Variants in PTPRT observed in about 807,000 individuals in gnomAD.
The protein encoded by PTPRT is protein tyrosine phosphatase receptor type T.
A neutral mutation model predicts 176.8 loss-of-function variants in PTPRT; 56 were observed. The observed-to-expected ratio is 0.32, with a 90% CI of 0.26 to 0.40. The LOEUF (loss-of-function observed/expected upper bound fraction) is 0.40, where lower values mean the gene tolerates loss of function less well. Ranked by LOEUF, PTPRT falls within the 10% of genes least tolerant of loss-of-function variation. The pLI, the probability that PTPRT is intolerant of heterozygous loss-of-function variation, is 1.00. For synonymous variants in PTPRT, 783 were observed against 739.0 expected, an observed-to-expected ratio of 1.06 and a Z score of -0.96; for missense variants, 1,540 against 1,908.2, an observed-to-expected ratio of 0.81 and a Z score of 3.60.
chr20:42,636,244 G>T (rs1309441438), intron 7 of PTPRT, among the ~76,000 whole-genome samples: 1 of 152,092 alleles, frequency 6.6e-6, no homozygotes, highest in Non-Finnish European at 1.5e-5. Flanking sequence ...TAGGGACTGA[G>T]CCATACTTAA....
At chr20:42,125,091 A>C (rs11908404) in intron 19 of PTPRT, among the ~76,000 whole-genome samples, 3,170 of 151,252 alleles carry the variant, frequency 0.021, 118 homozygotes, top group African/African-American at 0.072. Flanking sequence ...TCTCATAGCT[A>C]CTCTCTTCCC....
At chr20:42,042,964 A>G in the PTPRT span, among the ~76,000 whole-genome samples, 1 of 152,248 alleles carries the variant, frequency 6.6e-6, no homozygotes. Context: ...GCTTTCAGGA[A>G]GTAAATCAAA....
At chr20:42,325,414 T>C (rs1156661851) in intron 11 of PTPRT, among the ~76,000 whole-genome samples, 1 of 152,172 alleles carries the variant, frequency 6.6e-6, no homozygotes, top group Admixed American at 6.5e-5. Flanking sequence ...GAAGAAAATA[T>C]GTTGGGTAAA....
intron 9 of PTPRT, among the ~76,000 whole-genome samples, chr20:42,398,519 GATGAGTGTATTATTTC>G (rs937954234): frequency 3.3e-5 from 5 of 152,114 alleles, no homozygotes; most frequent in African/African-American, 1.2e-4. Context: ...ATGTGAAAAT[GATGAGTGTATTATTTC>G]ATGAAATATG....
intron 22 of PTPRT, among the ~76,000 whole-genome samples, chr20:42,114,584 T>C (rs529388386): frequency 1.3e-5 from 2 of 152,298 alleles, no homozygotes; most frequent in African/African-American, 4.8e-5. Context: ...AATCCTTTGT[T>C]GTCGGAGGCT....
chr20:42,903,505 C>T (rs1038645435), intron 1 of PTPRT, among the ~76,000 whole-genome samples: 6 of 152,124 alleles, frequency 3.9e-5, no homozygotes, highest in African/African-American at 9.7e-5. Context: ...TAATAGCATC[C>T]GGCGTTCTAT....
At chr20:42,704,925 G>C (rs1318513246) in intron 6 of PTPRT, among the ~76,000 whole-genome samples, 1 of 152,100 alleles carries the variant, frequency 6.6e-6, no homozygotes, top group East Asian at 1.9e-4. Context: ...ATAACATGCG[G>C]CCGGGCGTGG....
intron 7 of PTPRT, among the ~76,000 whole-genome samples, chr20:42,568,927 T>A (rs1425208516): frequency 1.3e-5 from 2 of 150,330 alleles, no homozygotes; most frequent in African/African-American, 2.4e-5. Flanking sequence ...CAGATGTCTG[T>A]AGTCCCAGCT....
intron 13 of PTPRT, among the ~76,000 whole-genome samples, chr20:42,268,064 T>C (rs2056869106): frequency 6.6e-6 from 1 of 152,176 alleles, no homozygotes; most frequent in South Asian, 2.1e-4. Flanking sequence ...CCTGCAGCTC[T>C]CTGAGTTGGT....
At chr20:42,750,877 T>C (rs2145380642) in intron 6 of PTPRT, among the ~76,000 whole-genome samples, 1 of 152,182 alleles carries the variant, frequency 6.6e-6, no homozygotes, top group African/African-American at 2.4e-5. Context: ...ACCAGGTAGG[T>C]TGAGGGGCCG....
intron 26 of PTPRT, 128 bp downstream of exon 26, chr20:42,101,996 A>C: frequency 9.0e-7 from 1 of 1,113,986 alleles, no homozygotes; most frequent in Non-Finnish European, 1.3e-6. Context: ...GGTCCTTGGG[A>C]CTAGTAGATC....
chr20:42,404,905 G>C (rs536520834), intron 9 of PTPRT, among the ~76,000 whole-genome samples: 1 of 146,814 alleles, frequency 6.8e-6, no homozygotes, highest in Non-Finnish European at 1.5e-5. Context: ...TTCCAGTAGT[G>C]AGATTAATTT....
chr20:43,002,660 G>T (rs1158247347), intron 1 of PTPRT, among the ~76,000 whole-genome samples: 1 of 151,988 alleles, frequency 6.6e-6, no homozygotes, highest in Non-Finnish European at 1.5e-5. Context: ...AGCAATTACA[G>T]ATTTTTAGAG....
At chr20:42,405,975 A>G (rs1224998130) in intron 9 of PTPRT, among the ~76,000 whole-genome samples, 1 of 152,204 alleles carries the variant, frequency 6.6e-6, no homozygotes, top group Non-Finnish European at 1.5e-5. Flanking sequence ...TATCTTAAAT[A>G]CACAGACCCT....
chr20:42,498,239 C>A (rs774082566), intron 7 of PTPRT, among the ~76,000 whole-genome samples: 2 of 152,114 alleles, frequency 1.3e-5, no homozygotes, highest in African/African-American at 4.8e-5. Flanking sequence ...GTCAACTGAA[C>A]AGACTTTCCT....
chr20:43,000,114 A>G (rs1984479332), intron 1 of PTPRT, among the ~76,000 whole-genome samples: 1 of 150,952 alleles, frequency 6.6e-6, no homozygotes, highest in Non-Finnish European at 1.5e-5. Flanking sequence ...AAAACCTGCC[A>G]AAGGAAAACT....
chr20:42,471,650 T>C (rs1332726625), intron 8 of PTPRT, among the ~76,000 whole-genome samples: 1 of 152,080 alleles, frequency 6.6e-6, no homozygotes, highest in African/African-American at 2.4e-5. Flanking sequence ...GGTGTTTTTT[T>C]TGTTTTGTTT....
At chr20:43,050,072 G>C (rs539872128) in intron 1 of PTPRT, among the ~76,000 whole-genome samples, 1 of 152,230 alleles carries the variant, frequency 6.6e-6, no homozygotes, top group African/African-American at 2.4e-5. Flanking sequence ...GGAGTGCTGG[G>C]TGGCTGACCA....
intron 1 of PTPRT, among the ~76,000 whole-genome samples, chr20:43,016,811 G>A (rs1296244219): frequency 2.6e-5 from 4 of 151,598 alleles, no homozygotes; most frequent in East Asian, 2.0e-4. Context: ...TGCTGGGACT[G>A]CAGGCATGAG....
Sources: allele counts gnomAD v4.1 joint callset (sites outside exome capture counted in the v4.1 genomes callset), GRCh38; gene constraint gnomAD v4.1.1; transcripts MANE v1.5; gene names NCBI Gene and HGNC (gene_info 2026-07-23, HGNC 2026-07-21).